Variants in SNTG2 observed in about 807,000 individuals in gnomAD.
The protein encoded by SNTG2 is gamma-2-syntrophin.
SNTG2 carries 74 observed loss-of-function variants against 70.9 expected under a neutral mutation model. The ratio of observed to expected loss-of-function variants is 1.04; its 90% CI spans 0.86 to 1.27. The LOEUF is 1.27. SNTG2 is among the 50% of genes most tolerant of loss of function. The pLI, the probability that SNTG2 is intolerant of heterozygous loss-of-function variation, is 0.00. For synonymous variants in SNTG2, 278 were observed against 273.8 expected (o/e 1.02, Z -0.15); for missense variants, 717 against 690.7 (o/e 1.04, Z -0.43).
chr2:1,231,736 C>G (rs1017035822), intron 9 of SNTG2, among the ~76,000 whole-genome samples: 1 of 152,172 alleles, frequency 6.6e-6, no homozygotes, highest in Non-Finnish European at 1.5e-5. Context: ...CAGCAGGCAG[C>G]AGGCAGAGGG....
At chr2:1,323,193 T>C (rs1489206865) in intron 16 of SNTG2, among the ~76,000 whole-genome samples, 2 of 152,194 alleles carry the variant, frequency 1.3e-5, no homozygotes, top group Non-Finnish European at 2.9e-5. Context: ...AGGGTCTGTC[T>C]CTCTGATCAG....
intron 1 of SNTG2, among the ~76,000 whole-genome samples, chr2:1,040,218 C>G (rs1247863063): frequency 6.6e-6 from 1 of 152,176 alleles, no homozygotes; most frequent in African/African-American, 2.4e-5. Context: ...GGATAAATTC[C>G]TGCACCCCAC....
At chr2:1,249,857 T>G (rs1460099485) in intron 12 of SNTG2, among the ~76,000 whole-genome samples, 1 of 152,180 alleles carries the variant, frequency 6.6e-6, no homozygotes, top group Non-Finnish European at 1.5e-5. Flanking sequence ...GAGTCTTCCC[T>G]CAGGGCCCTG....
chr2:1,060,640 C>G (rs1016926339), intron 1 of SNTG2, among the ~76,000 whole-genome samples: 1 of 152,058 alleles, frequency 6.6e-6, no homozygotes, highest in Non-Finnish European at 1.5e-5. Context: ...ATGGGCCAAG[C>G]CTCGAATAAT....
chr2:956,003 C>A (rs1392551114), intron 1 of SNTG2, among the ~76,000 whole-genome samples: 2 of 148,162 alleles, frequency 1.3e-5, no homozygotes, highest in African/African-American at 2.5e-5. Flanking sequence ...CTGCCCTGGC[C>A]CCACCCACTG....
At chr2:1,262,821 G>A (rs1217477701) in intron 13 of SNTG2, 1 of 151,856 alleles carries the variant, frequency 6.6e-6, no homozygotes. Flanking sequence ...GACGAAACCC[G>A]AAGGCTCGGT....
chr2:1,255,070 G>C (rs62108691), intron 12 of SNTG2, among the ~76,000 whole-genome samples: 1 of 152,070 alleles, frequency 6.6e-6, no homozygotes, highest in African/African-American at 2.4e-5. Context: ...CTGGAAAATC[G>C]TGTAAACTAA....
intron 16 of SNTG2, among the ~76,000 whole-genome samples, chr2:1,348,763 A>C (rs886872910): frequency 1.8e-4 from 28 of 152,250 alleles, no homozygotes; most frequent in Non-Finnish European, 3.7e-4. Context: ...TTTGACTGAG[A>C]ATAAATTTCT....
At chr2:1,262,676 GAGGCAACCGGAAGGCTCCGTCCAGAC>G (rs1678485779) in intron 13 of SNTG2, among the ~76,000 whole-genome samples, 1 of 141,818 alleles carries the variant, frequency 7.1e-6, no homozygotes, top group Non-Finnish European at 1.6e-5. Flanking sequence ...CAGTCCAGAC[GAGGCAACCGGAAGGCTCCGTCCAGAC>G]GAGGCAACCG....
chr2:1,230,910 C>G (rs1676181439), intron 9 of SNTG2, among the ~76,000 whole-genome samples: 1 of 151,638 alleles, frequency 6.6e-6, no homozygotes, highest in Admixed American at 6.6e-5. Flanking sequence ...TCCGTAGGGT[C>G]ACTGCGAGGG....
intron 4 of SNTG2, among the ~76,000 whole-genome samples, chr2:1,133,408 T>G (rs1202795943): frequency 1.3e-5 from 2 of 152,230 alleles, no homozygotes; most frequent in Admixed American, 1.3e-4. Flanking sequence ...CAGATAACCC[T>G]ATAATTACTT....
In SNTG2 at chr2:1,330,690, T is replaced by C. The variant is rs544391531; in HGVS notation, c.1488+14315T>C. Among the ~76,000 whole-genome samples the C allele has an allele frequency of 4.6e-5, 7 of 152,342 alleles. No homozygotes were observed. The East Asian group carries it at 1.3e-3, about 29-fold the overall frequency. On this transcript the variant is annotated intron_variant, in intron 16 of 16. Transcript: ENST00000308624. Reference sequence around the variant, plus strand: ...AATTGTGCATGCAAACATATTAATTTAAGAATTTCAAAAGACTTGCATTGT... The same window carrying C: ...AATTGTGCATGCAAACATATTAATTCAAGAATTTCAAAAGACTTGCATTGT...
chr2:1,195,887 T>A (rs1246862181), intron 8 of SNTG2, among the ~76,000 whole-genome samples: 2 of 150,972 alleles, frequency 1.3e-5, no homozygotes, highest in East Asian at 3.9e-4. Flanking sequence ...ATTATCTTTA[T>A]TGATCAGGAA....
chr2:1,177,677 A>C (rs1671574800), intron 8 of SNTG2, among the ~76,000 whole-genome samples: 1 of 148,530 alleles, frequency 6.7e-6, no homozygotes, highest in Non-Finnish European at 1.5e-5. Flanking sequence ...TCAAAAGAAA[A>C]AAATAATATA....
chr2:1,288,730 G>A (rs931358234), intron 14 of SNTG2, among the ~76,000 whole-genome samples: 3 of 152,144 alleles, frequency 2.0e-5, no homozygotes, highest in Admixed American at 6.5e-5. Flanking sequence ...CAAGGAAAAT[G>A]TGTGTAAACA....
intron 1 of SNTG2, among the ~76,000 whole-genome samples, chr2:986,067 TAGAGAGAGAGAGAGAGAGAG>T (rs10633277): frequency 7.7e-6 from 1 of 129,718 alleles, no homozygotes; most frequent in Non-Finnish European, 1.6e-5. Context: ...CTGCAAATAA[TAGAGAGAGAGAGAGAGAGAG>T]AGAGAGAGAG....
intron 2 of SNTG2, among the ~76,000 whole-genome samples, chr2:1,085,928 C>T (rs1664658606): frequency 6.6e-6 from 1 of 152,208 alleles, no homozygotes; most frequent in African/African-American, 2.4e-5. Flanking sequence ...CTGTATATTA[C>T]ACTTGTTATG....
chr2:1,141,402 GC>G (rs2147776008), intron 6 of SNTG2, among the ~76,000 whole-genome samples: 1 of 152,334 alleles, frequency 6.6e-6, no homozygotes, highest in Non-Finnish European at 1.5e-5. Flanking sequence ...GCTAGAAACT[GC>G]AGGAGAAAGA....
At chr2:973,667 G>A (rs1490527763) in intron 1 of SNTG2, among the ~76,000 whole-genome samples, 2 of 151,758 alleles carry the variant, frequency 1.3e-5, no homozygotes, top group Admixed American at 6.6e-5. Flanking sequence ...CTGTTACTGA[G>A]TTTCTGATTT....
Sources: gnomAD v4.1 joint callset for allele counts (sites outside exome capture counted in the v4.1 genomes callset) on GRCh38, gnomAD v4.1.1 for gene constraint, MANE v1.5 for transcripts, NCBI Gene and HGNC (gene_info 2026-07-23, HGNC 2026-07-21) for gene names.